TNIK: variants seen among roughly 807,000 people sequenced by gnomAD.
TNIK encodes TRAF2 and NCK interacting kinase.
TNIK carries 49 observed loss-of-function variants against 191.3 expected under a neutral mutation model. The ratio of observed to expected loss-of-function variants is 0.26; its 90% confidence interval spans 0.20 to 0.32. The LOEUF (loss-of-function observed/expected upper bound fraction) is 0.32, where lower values mean the gene tolerates loss of function less well. TNIK is among the 10% of genes least tolerant of loss of function. The pLI is 1.00. For missense variants in TNIK, 1,155 were observed against 1,702.3 expected (o/e 0.68, Z 5.66); for synonymous variants, 594 against 600.9 (o/e 0.99, Z 0.17).
chr3:171,255,565 T>C (rs1220854286), intron 2 of TNIK, among the ~76,000 whole-genome samples: 1 of 152,228 alleles, frequency 6.6e-6, no homozygotes. Context: ...GCCTAAGTAC[T>C]TATCCACTAT....
chr3:171,090,646 G>A (rs1030945212), intron 23 of TNIK, among the ~76,000 whole-genome samples: 1 of 152,172 alleles, frequency 6.6e-6, no homozygotes, highest in African/African-American at 2.4e-5. Flanking sequence ...TTTTGGTGAA[G>A]TGTGGGTAGC....
chr3:171,109,662 T>G (rs528727621), intron 19 of TNIK, among the ~76,000 whole-genome samples: 4 of 152,356 alleles, frequency 2.6e-5, no homozygotes, highest in African/African-American at 7.2e-5. Context: ...TGTTAATATT[T>G]GTCAAATTGC....
intron 1 of TNIK, among the ~76,000 whole-genome samples, chr3:171,415,517 T>C (rs1216668776): frequency 1.3e-5 from 2 of 152,080 alleles, no homozygotes; most frequent in Non-Finnish European, 2.9e-5. Context: ...TTCTTATACA[T>C]GAAGCCAAAA....
intron 2 of TNIK, among the ~76,000 whole-genome samples, chr3:171,357,144 T>C (rs1457436787): frequency 6.6e-6 from 1 of 152,220 alleles, no homozygotes; most frequent in Non-Finnish European, 1.5e-5. Context: ...AGGCGGACAC[T>C]GTTTTTACTT....
intron 1 of TNIK, among the ~76,000 whole-genome samples, chr3:171,386,066 G>T (rs1718686267): frequency 6.6e-6 from 1 of 152,124 alleles, no homozygotes; most frequent in Non-Finnish European, 1.5e-5. Context: ...CTGAAGCTGG[G>T]CTCCATTCAT....
intron 2 of TNIK, among the ~76,000 whole-genome samples, chr3:171,305,502 TAAAC>T (rs776596791): frequency 1.3e-5 from 2 of 151,966 alleles, no homozygotes; most frequent in African/African-American, 2.4e-5. Context: ...ACAAGGAACT[TAAAC>T]AAATGTACAA....
intron 28 of TNIK, among the ~76,000 whole-genome samples, chr3:171,077,079 C>CG (rs1402638740): frequency 9.7e-5 from 14 of 144,476 alleles, no homozygotes; most frequent in African/African-American, 2.8e-4. Flanking sequence ...GTTCCCCCCC[C>CG]CCTTTTTTTT....
At chr3:171,133,859 AAG>A (rs771350595) in intron 15 of TNIK, among the ~76,000 whole-genome samples, 2 of 152,226 alleles carry the variant, frequency 1.3e-5, no homozygotes, top group Non-Finnish European at 2.9e-5. Flanking sequence ...AATGGAAATA[AAG>A]AGATATTTTG....
chr3:171,411,066 C>CT lies in TNIK; in HGVS notation c.58-41382dup, dbSNP rs56324481. On this transcript the variant is annotated intron_variant, in intron 1 of 32. Transcript: ENST00000436636. ...TCCACTCCTGTAAAACATCAATAAT[C>CT]TTTTTTTTTTTTTTTTTAGAGACAG... Among the ~76,000 whole-genome samples, 799 of 141,798 alleles carry CT rather than the reference C, an allele frequency of 5.6e-3. 6 individuals are homozygous for CT. Among genetic ancestry groups the CT allele is most frequent in the African/African-American group, 0.014 (526 of 38,522 alleles). 93.0% of individuals were successfully genotyped at this position (141,798 alleles called of 152,430 possible).
chr3:171,190,475 AT>A (rs936826502), intron 6 of TNIK, among the ~76,000 whole-genome samples: 2 of 152,216 alleles, frequency 1.3e-5, no homozygotes, highest in African/African-American at 4.8e-5. Context: ...ATTTCTATAT[AT>A]TGATTAAGCA....
chr3:171,420,430 T>C (rs533111211), intron 1 of TNIK, among the ~76,000 whole-genome samples: 2 of 152,244 alleles, frequency 1.3e-5, no homozygotes, highest in South Asian at 4.1e-4. Flanking sequence ...TGAGGCCCAG[T>C]TCCAATCCAA....
intron 2 of TNIK, among the ~76,000 whole-genome samples, chr3:171,324,048 C>T (rs1332751313): frequency 6.6e-6 from 1 of 151,980 alleles, no homozygotes; most frequent in Non-Finnish European, 1.5e-5. Context: ...AAAAACAAAA[C>T]GAAAACACCC....
At chr3:171,365,208 G>GTTTTTTTTTTTT (rs1715557174) in intron 2 of TNIK, among the ~76,000 whole-genome samples, 2 of 57,554 alleles carry the variant, frequency 3.5e-5, no homozygotes, top group South Asian at 6.2e-4. Flanking sequence ...TTGAGACAGA[G>GTTTTTTTTTTTT]TTTCGCTCTA....
chr3:171,228,971 A>G (rs997489496), intron 2 of TNIK, among the ~76,000 whole-genome samples: 10 of 152,196 alleles, frequency 6.6e-5, no homozygotes, highest in Admixed American at 1.3e-4. Flanking sequence ...CTACTTTTAC[A>G]TGAATTTTAT....
At chr3:171,064,001 G>A in intron 32 of TNIK, 37 bp from the exon 33 acceptor site, 1 of 1,588,214 alleles carries the variant, frequency 6.3e-7, no homozygotes, top group East Asian at 2.2e-5. Context: ...TCAACTGCAT[G>A]GTCTTTTCCC....
intron 1 of TNIK, among the ~76,000 whole-genome samples, chr3:171,392,509 A>G (rs1308824767): frequency 2.0e-5 from 3 of 152,172 alleles, no homozygotes; most frequent in African/African-American, 7.2e-5. Flanking sequence ...GGCTGGGCAC[A>G]GTGGCTCGGC....
At chr3:171,103,119 G>A (rs967891) in intron 21 of TNIK, among the ~76,000 whole-genome samples, 150,722 of 152,318 alleles carry the variant, frequency 0.99, 74,569 homozygotes, top group East Asian at 1. Context: ...GAAACCCTTA[G>A]AATATGGAAG....
intron 1 of TNIK, among the ~76,000 whole-genome samples, chr3:171,450,096 T>A (rs1380906337): frequency 6.6e-6 from 1 of 152,150 alleles, no homozygotes; most frequent in East Asian, 1.9e-4. Flanking sequence ...CTGCTTTCTT[T>A]CACAGTCTGC....
At chr3:171,419,625 T>A (rs1418985770) in intron 1 of TNIK, among the ~76,000 whole-genome samples, 1 of 152,200 alleles carries the variant, frequency 6.6e-6, no homozygotes, top group Non-Finnish European at 1.5e-5. Context: ...TCCCACTCAT[T>A]AGCTGTGTAA....
Sources: gnomAD v4.1 joint callset for allele counts (sites outside exome capture counted in the v4.1 genomes callset) on GRCh38, gnomAD v4.1.1 for gene constraint, MANE v1.5 for transcripts, NCBI Gene and HGNC (gene_info 2026-07-23, HGNC 2026-07-21) for gene names.